SLC27A4: variants seen among roughly 807,000 people sequenced by gnomAD.
The protein encoded by SLC27A4 is long-chain fatty acid transport protein 4.
A neutral mutation model predicts 64.4 loss-of-function variants in SLC27A4; 33 were observed. That is an observed-to-expected ratio of 0.51 (90% CI 0.39 to 0.68). The LOEUF is 0.68. SLC27A4 is among the 30% of genes least tolerant of loss of function. The pLI, the probability that SLC27A4 is intolerant of heterozygous loss-of-function variation, is 0.00. For missense variants in SLC27A4, 824 were observed against 883.5 expected (o/e 0.93, Z 0.85); for synonymous variants, 377 against 370.0 (o/e 1.02, Z -0.22).
At chr9:128,349,019 T>A (rs1357418613) in intron 4 of SLC27A4, among the ~76,000 whole-genome samples, 1 of 126,542 alleles carries the variant, frequency 7.9e-6, no homozygotes, top group Non-Finnish European at 1.6e-5. Context: ...TCCGGGAACC[T>A]GCCTGGTCTG....
Position 128,355,049 on chromosome 9 carries a change from C to T in SLC27A4, c.1325-4C>T. ...CAGATCTGACCCTGCCTTCCCCACC[C>T]CAGGTGAGCCGGGCCAGCTGGTGGG... On this transcript the variant is annotated splice_region_variant and splice_polypyrimidine_tract_variant and intron_variant, in intron 9 of 12. Transcript: ENST00000300456. 2 of 1,609,908 alleles carry T rather than the reference C, an allele frequency of 1.2e-6. No homozygotes were observed. Among genetic ancestry groups the T allele is most frequent in the Non-Finnish European group, 1.7e-6 (2 of 1,178,406 alleles).
At chr9:128,352,254 T>C (rs1417354161) in intron 6 of SLC27A4, among the ~76,000 whole-genome samples, 1 of 151,730 alleles carries the variant, frequency 6.6e-6, no homozygotes, top group Non-Finnish European at 1.5e-5. Flanking sequence ...AGCCTCACAG[T>C]GTGTGTGGCA....
chr9:128,356,391 GA>G, intron 12 of SLC27A4, among the ~76,000 whole-genome samples: 1 of 152,376 alleles, frequency 6.6e-6, no homozygotes, highest in East Asian at 1.9e-4. Flanking sequence ...AGCCAAGTGA[GA>G]GGGGCAGGCA....
chr9:128,346,456 C>T (rs1041405893), intron 3 of SLC27A4, among the ~76,000 whole-genome samples: 2 of 150,430 alleles, frequency 1.3e-5, no homozygotes, highest in African/African-American at 4.9e-5. Flanking sequence ...GGCTGGTCTC[C>T]AATCCCTGAC....
Position 128,345,071 on chromosome 9 carries a change from G to A in SLC27A4, c.162-84G>A, listed in dbSNP as rs1167178300. ...GGTCTGGCTCATGAAGCATAGGCTG[G>A]CGAGGCAGCAGCCTGGGGTAGGGTG... On this transcript the variant is annotated intron_variant, in intron 2 of 12. Coordinates refer to ENST00000300456, the MANE Select transcript of SLC27A4 (RefSeq NM_005094.4). The surrounding 1 kb of genome is among the most constrained non-coding windows in gnomAD (Gnocchi z 4.1). 1.5e-5 allele frequency: 23 copies of A among 1,555,662 alleles called. No individual in the cohort carries two copies. Among genetic ancestry groups the A allele is most frequent in the Non-Finnish European group, 2.0e-5 (23 of 1,137,598 alleles).
chr9:128,350,639 C>T (rs1832721231), intron 6 of SLC27A4, 64 bp downstream of exon 6: 6 of 1,240,016 alleles, frequency 4.8e-6, no homozygotes, highest in Non-Finnish European at 7.0e-6. Context: ...CCACCCCCAT[C>T]AGGCAGTGTG....
rs755403844 is a variant in SLC27A4 at position 128,348,530 on chromosome 9, C to T, written c.557-15C>T. 29 of 1,612,690 alleles carry T rather than the reference C, an allele frequency of 1.8e-5. No homozygotes were observed. The Admixed American group carries it at 4.5e-4, about 25-fold the overall frequency. On this transcript the variant is annotated splice_polypyrimidine_tract_variant and intron_variant, in intron 3 of 12. Transcript: ENST00000300456. ...GTTTTCTGGCCTGCCTGCTGACTGC[C>T]CTGTCTCCCCACAGCCATCTGTGAG... is the stretch of plus-strand genomic sequence containing the variant.
chr9:128,352,160 ACTCCAGG>A (rs1350728409), intron 6 of SLC27A4, among the ~76,000 whole-genome samples: 1 of 151,148 alleles, frequency 6.6e-6, no homozygotes, highest in African/African-American at 2.4e-5. Flanking sequence ...GCATCACTGT[ACTCCAGG>A]CTGGGCGACA....
chr9:128,355,198 C>A lies in SLC27A4; in HGVS notation c.1462+8C>A, dbSNP rs777999687. 1.9e-5 allele frequency: 31 copies of A among 1,613,064 alleles called. No homozygotes were observed. In the East Asian group the frequency reaches 6.7e-4, roughly 35 times the overall value. On this transcript the variant is annotated splice_region_variant and intron_variant, in intron 10 of 12. Transcript: ENST00000300456. The stretch of plus-strand genomic sequence containing the variant: ...ACCAGGCCTACCTTACTGGTGGGTC[C>A]CCAGCCCTTCACAGCCCCTTCCTGA...
chr9:128,354,544 C>G (rs1422523395), intron 9 of SLC27A4, among the ~76,000 whole-genome samples: 5 of 152,036 alleles, frequency 3.3e-5, no homozygotes, highest in African/African-American at 1.2e-4. Context: ...CCATCAGTTT[C>G]GAGAACAAAC....
intron 1 of SLC27A4, chr9:128,342,919 A>T (rs1475678501): frequency 4.9e-6 from 3 of 607,828 alleles, no homozygotes; most frequent in Non-Finnish European, 8.8e-6. Context: ...CACTCTTGGA[A>T]TTCCTCACCT....
At chr9:128,344,590 A>G (rs1056151444) in intron 2 of SLC27A4, among the ~76,000 whole-genome samples, 2 of 152,130 alleles carry the variant, frequency 1.3e-5, no homozygotes, top group Non-Finnish European at 2.9e-5. Flanking sequence ...CTTATTGAAC[A>G]TCTACTCTGC....
chr9:128,344,151 G>A (rs1010584398), intron 2 of SLC27A4, among the ~76,000 whole-genome samples: 1 of 152,164 alleles, frequency 6.6e-6, no homozygotes, highest in African/African-American at 2.4e-5. Flanking sequence ...AAAAGCGGCT[G>A]TACTTGAGAG....
rs1462611913 is a variant in SLC27A4, at chr9:128,360,679, A to T, written c.*188A>T. The T allele has an allele frequency of 3.2e-6, 2 of 622,722 alleles. No homozygotes were observed. Among genetic ancestry groups the T allele is most frequent in the African/African-American group, 3.7e-5 (2 of 54,304 alleles). 38.6% of individuals were successfully genotyped at this position (622,722 alleles called of 1,614,324 possible). ...CCAACCCTTCCAGAGGCTTTCTGTG[A>T]AAGTCTCATGTCCAAGTTCCGTCTT... is the stretch of plus-strand genomic sequence containing the variant. On this transcript the variant is annotated 3_prime_UTR_variant, in exon 13 of 13. Transcript: ENST00000300456.
intron 12 of SLC27A4, among the ~76,000 whole-genome samples, chr9:128,357,802 C>T (rs1013629677): frequency 7.2e-5 from 11 of 152,288 alleles, no homozygotes; most frequent in Middle Eastern, 6.8e-3. Flanking sequence ...CCCACGTTGT[C>T]GTCATATCAG....
chr9:128,353,964 C>T lies in SLC27A4; in HGVS notation c.1324+423C>T, dbSNP rs943103809. On this transcript the variant is annotated intron_variant, in intron 9 of 12. Coordinates refer to ENST00000300456, the MANE Select transcript of SLC27A4 (RefSeq NM_005094.4). This position sits in a 1 kb window ranked among gnomAD's most constrained non-coding sequence, Gnocchi z 4.9. ...TTCACCGTTTTAGCCGGGATGGTCT[C>T]GATCTCCTGACCTCGTGATCCGCCC... 6.6e-6 allele frequency among the ~76,000 whole-genome samples: 1 copy of T among 151,282 alleles called. No homozygotes were observed. The highest frequency in any genetic ancestry group is 2.1e-4 in the South Asian group (1 of 4,778).
chr9:128,349,475 G>A (rs954698011), intron 4 of SLC27A4, among the ~76,000 whole-genome samples: 5 of 152,174 alleles, frequency 3.3e-5, no homozygotes, highest in East Asian at 3.9e-4. Context: ...TGAAGCTAGG[G>A]TGTGGCAGGA....
chr9:128,343,990 C>T (rs1023673236), intron 2 of SLC27A4, among the ~76,000 whole-genome samples: 22 of 152,190 alleles, frequency 1.4e-4, no homozygotes, highest in Non-Finnish European at 2.6e-4. Context: ...ACCCACACCC[C>T]ACACAGGCAG....
chr9:128,340,732 A>G lies in SLC27A4; in HGVS notation c.-113A>G. ...GCGCAGAGCCGGCTAAACCCTGCTG[A>G]GACCCGGCTCCGTGCGTCCAGGGGC... On this transcript the variant is annotated 5_prime_UTR_variant, in exon 1 of 13. An upstream open reading frame in the 5' UTR loses its in-frame stop. Coordinates refer to ENST00000300456, the MANE Select transcript of SLC27A4 (RefSeq NM_005094.4). 1 of 632,344 alleles carries G rather than the reference A, an allele frequency of 1.6e-6. No individual in the cohort carries two copies. The highest frequency in any genetic ancestry group is 1.7e-5 in the South Asian group (1 of 58,850). 39.2% of individuals were successfully genotyped at this position (632,344 alleles called of 1,614,324 possible). A position where few individuals can be genotyped will look rare whatever the true frequency, so the allele number is the denominator to read the frequency against.
Sources: allele counts gnomAD v4.1 joint callset (sites outside exome capture counted in the v4.1 genomes callset), GRCh38; gene constraint gnomAD v4.1.1; non-coding constraint Gnocchi (gnomAD v3.1); transcripts MANE v1.5; gene names NCBI Gene and HGNC (gene_info 2026-07-23, HGNC 2026-07-21).